GRAMD1A: variants seen among roughly 807,000 people sequenced by gnomAD.
The protein encoded by GRAMD1A is protein Aster-A.
Under a neutral mutation model 92.0 loss-of-function variants are expected in GRAMD1A, and 50 were observed. The ratio of observed to expected loss-of-function variants is 0.54; its 90% CI spans 0.43 to 0.69. GRAMD1A has a LOEUF of 0.69. GRAMD1A is among the 30% of genes least tolerant of loss of function. The pLI is 0.00. For synonymous variants in GRAMD1A, 405 were observed against 403.6 expected (o/e 1.00, Z -0.04); for missense variants, 819 against 978.9 (o/e 0.84, Z 2.18).
chr19:35,020,313 C>T (rs1272557149), intron 13 of GRAMD1A, among the ~76,000 whole-genome samples: 1 of 152,016 alleles, frequency 6.6e-6, no homozygotes, highest in Non-Finnish European at 1.5e-5. Flanking sequence ...CTGAGGTGGG[C>T]GGATCACTTG....
chr19:35,007,983 A>G (rs2151708219), intron 1 of GRAMD1A, among the ~76,000 whole-genome samples: 1 of 152,348 alleles, frequency 6.6e-6, no homozygotes, highest in Admixed American at 6.5e-5. Context: ...CTGAGTGGAA[A>G]GTCGCTGTTC....
intron 11 of GRAMD1A, 146 bp downstream of exon 11, chr19:35,016,113 T>C: frequency 1.2e-6 from 1 of 805,104 alleles, no homozygotes; most frequent in Non-Finnish European, 2.0e-6. Flanking sequence ...CAGAAGCAGC[T>C]CTGCCACTTA....
intron 1 of GRAMD1A, among the ~76,000 whole-genome samples, chr19:35,006,899 A>AT (rs374681034): frequency 3.7e-4 from 57 of 152,282 alleles, no homozygotes; most frequent in African/African-American, 1.3e-3. Context: ...ATTTGAGCTG[A>AT]AGGGGACAGA....
upstream of GRAMD1A, among the ~76,000 whole-genome samples, chr19:34,997,642 G>A (rs2151692840): frequency 6.6e-6 from 1 of 152,274 alleles, no homozygotes; most frequent in Admixed American, 6.5e-5. Flanking sequence ...AGAAATCGCA[G>A]AAACAATGAT....
In GRAMD1A at chr19:35,010,133, C is replaced by T. The variant is rs758785331; in HGVS notation, c.367C>T (p.Arg123Cys). ...ALQREILLQG[R>C]LYLSENWICF... ...GCAGCGTGAGATCCTGCTCCAGGGC[C>T]GCCTCTACCTCTCTGAGAACTGGAT... The change falls in exon 5 of 20, where the codon CGC becomes TGC. Residue 123 changes from arginine to cysteine, a missense_variant. By Grantham distance (180) the Arg-to-Cys change is radical. Around this residue, in one of 3 missense-constraint regions of GRAMD1A, gnomAD observed 144 missense variants for 220.3 expected, o/e 0.65. Coordinates refer to ENST00000317991, the MANE Select transcript of GRAMD1A (RefSeq NM_020895.5). 7 of 1,613,034 alleles carry T rather than the reference C, an allele frequency of 4.3e-6. No individual in the cohort carries two copies. The highest frequency in any genetic ancestry group is 2.7e-5 in the African/African-American group (2 of 75,036).
chr19:35,002,998 C>G (rs1304168726), intron 1 of GRAMD1A, among the ~76,000 whole-genome samples: 1 of 151,738 alleles, frequency 6.6e-6, no homozygotes, highest in Non-Finnish European at 1.5e-5. Flanking sequence ...TGCACACATG[C>G]ATGTGTCTGG....
In GRAMD1A at chr19:35,021,304, T is replaced by A. The variant is rs1020720624; in HGVS notation, c.1476-198T>A. ...GGGTGGAGAAGGACCGAGGGCTGAG[T>A]TGGCTGGCATTTGGGCTGGGCGGGT... On this transcript the variant is annotated intron_variant, in intron 13 of 19. Coordinates refer to ENST00000317991, the MANE Select transcript of GRAMD1A (RefSeq NM_020895.5). The surrounding 1 kb of genome is among the most constrained non-coding windows in gnomAD (Gnocchi z 5.3). Among the ~76,000 whole-genome samples the A allele has an allele frequency of 3.3e-5, 5 of 151,966 alleles. No homozygotes were observed. The highest frequency in any genetic ancestry group is 9.7e-5 in the African/African-American group (4 of 41,360).
At chr19:34,998,070 C>CAAA (rs1185258486), upstream of GRAMD1A, among the ~76,000 whole-genome samples, 1 of 50,216 alleles carries the variant, frequency 2.0e-5, no homozygotes, top group Middle Eastern at 0.013. Flanking sequence ...GACCTTGTCT[C>CAAA]AAAAAAAAAA....
At chr19:35,003,881 T>C (rs2014602451) in intron 1 of GRAMD1A, among the ~76,000 whole-genome samples, 1 of 152,240 alleles carries the variant, frequency 6.6e-6, no homozygotes, top group African/African-American at 2.4e-5. Context: ...ATGTGTTCTT[T>C]GTCCTCAGGT....
intron 1 of GRAMD1A, among the ~76,000 whole-genome samples, chr19:35,003,560 T>A (rs1170022337): frequency 6.6e-6 from 1 of 152,210 alleles, no homozygotes; most frequent in Non-Finnish European, 1.5e-5. Flanking sequence ...TGAGCCTCTC[T>A]TCAGGATTCC....
upstream of GRAMD1A, among the ~76,000 whole-genome samples, chr19:34,999,738 A>G (rs933363347): frequency 2.6e-5 from 4 of 152,200 alleles, no homozygotes; most frequent in African/African-American, 9.6e-5. Context: ...CTCAGCACAG[A>G]TAAGAGCCAG....
upstream of GRAMD1A, among the ~76,000 whole-genome samples, chr19:34,997,975 AGAGAATCGCTTGAACC>A (rs1306289277): frequency 6.6e-6 from 1 of 151,440 alleles, no homozygotes; most frequent in Non-Finnish European, 1.5e-5. Context: ...AGTTGGGGCA[AGAGAATCGCTTGAACC>A]GAGGAGGTGG....
chr19:35,019,174 G>T lies in GRAMD1A; in HGVS notation c.1214-17G>T. On this transcript the variant is annotated splice_polypyrimidine_tract_variant and intron_variant, in intron 11 of 19. Transcript: ENST00000317991. ...GACTGGGGTGTGGCCTCCTCATGCT[G>T]CTCCTCCCTCCTCTAGACGTGACGC... 2 of 1,551,678 alleles carry T rather than the reference G, an allele frequency of 1.3e-6. No homozygotes were observed. The highest frequency in any genetic ancestry group is 1.8e-6 in the Non-Finnish European group (2 of 1,127,698).
chr19:34,997,388 C>CAAAAAAAAAA (rs540666102), upstream of GRAMD1A, among the ~76,000 whole-genome samples: 100 of 113,164 alleles, frequency 8.8e-4, no homozygotes, highest in Non-Finnish European at 1.2e-3. Context: ...GCCAAAAAAA[C>CAAAAAAAAAA]AAAAAAAAAA....
rs2151733846 is a variant in GRAMD1A at position 35,021,655 on chromosome 19, G to A, written c.1580-36G>A. 2 of 1,613,876 alleles carry A rather than the reference G, an allele frequency of 1.2e-6. No individual in the cohort carries two copies. The highest frequency in any genetic ancestry group is 1.7e-5 in the Admixed American group (1 of 60,032). On this transcript the variant is annotated intron_variant, in intron 14 of 19. Transcript: ENST00000317991. The surrounding 1 kb of genome is among the most constrained non-coding windows in gnomAD (Gnocchi z 5.3). Reference sequence around the variant, plus strand: ...CGTGGGTTGGGGGATGGCCTGGCCAGGTATGGACATCCAGAGCCCCCTCTC... The same window carrying A: ...CGTGGGTTGGGGGATGGCCTGGCCAAGTATGGACATCCAGAGCCCCCTCTC...
rs2016443393 is a variant in GRAMD1A, at chr19:35,026,392, G to A, written c.*251G>A. ...GGTTGTGGGGGGCGCCTCCTGGGGT[G>A]CACGATTCCCTCAGCTCTGGGTTTA... On this transcript the variant is annotated 3_prime_UTR_variant, in exon 20 of 20. Transcript: ENST00000317991. 1 of 560,964 alleles carries A rather than the reference G, an allele frequency of 1.8e-6. No homozygotes were observed. 34.7% of individuals were successfully genotyped at this position (560,964 alleles called of 1,614,324 possible). A position where few individuals can be genotyped will look rare whatever the true frequency, so the allele number is the denominator to read the frequency against.
upstream of GRAMD1A, chr19:34,996,236 C>G (rs1257387139): frequency 8.5e-6 from 13 of 1,535,650 alleles, no homozygotes; most frequent in Admixed American, 2.4e-4. Context: ...CACCCCAACC[C>G]CCCGACGCCG....
intron 10 of GRAMD1A, 35 bp from the exon 11 acceptor site, chr19:35,015,789 G>A (rs371901696): frequency 2.5e-6 from 4 of 1,602,750 alleles, no homozygotes; most frequent in African/African-American, 1.3e-5. Context: ...GAGGAGTGGA[G>A]GCAGTCATCA....
intron 3 of GRAMD1A, 133 bp downstream of exon 3, chr19:35,009,576 A>G (rs982748135): frequency 9.9e-6 from 9 of 909,526 alleles, no homozygotes; most frequent in African/African-American, 9.8e-5. Context: ...GTTCTATGCT[A>G]TTATTTATGT....
Sources: allele counts gnomAD v4.1 joint callset (sites outside exome capture counted in the v4.1 genomes callset), GRCh38; gene constraint gnomAD v4.1.1; regional missense constraint gnomAD v4.1.1; non-coding constraint Gnocchi (gnomAD v3.1); transcripts MANE v1.5; gene names NCBI Gene and HGNC (gene_info 2026-07-23, HGNC 2026-07-21).